MKLN1: variants seen among roughly 807,000 people sequenced by gnomAD.
MKLN1 encodes muskelin.
A neutral mutation model predicts 99.0 loss-of-function variants in MKLN1; 18 were observed. The ratio of observed to expected loss-of-function variants is 0.18; its 90% CI spans 0.13 to 0.27. The LOEUF (loss-of-function observed/expected upper bound fraction) is 0.27, where lower values mean the gene tolerates loss of function less well. MKLN1 is among the 10% of genes least tolerant of loss of function. The pLI is 1.00. For missense variants in MKLN1, 621 were observed against 875.9 expected (o/e 0.71, Z 3.67); for synonymous variants, 288 against 293.2 (o/e 0.98, Z 0.18).
chr7:131,382,162 C>T (rs1288481270), intron 2 of MKLN1, among the ~76,000 whole-genome samples: 4 of 152,032 alleles, frequency 2.6e-5, no homozygotes, highest in Non-Finnish European at 5.9e-5. Context: ...GCCAGGAGTT[C>T]GAGACCAGCC....
chr7:131,246,771 T>C (rs1349343038), intron 3 of MKLN1, among the ~76,000 whole-genome samples: 2 of 152,026 alleles, frequency 1.3e-5, no homozygotes, highest in Non-Finnish European at 2.9e-5. Flanking sequence ...TGTGAACCAC[T>C]GTGCCTGGCT....
In MKLN1 at chr7:131,212,780, G is replaced by A. The variant is rs957527948; in HGVS notation, c.-179+9806G>A. 7.8e-4 allele frequency among the ~76,000 whole-genome samples: 118 copies of A among 152,088 alleles called. 1 individual carries two copies. Among genetic ancestry groups the A allele is most frequent in the African/African-American group, 2.7e-3 (111 of 41,476 alleles). On this transcript the variant is annotated intron_variant, in intron 3 of 7. Transcript: ENST00000416992. Reference sequence around the variant, plus strand: ...CTCTACTAAAAATACAAAATTAGCCGGGCATGATGGTGCATGCCTGTAATC... The same window carrying A: ...CTCTACTAAAAATACAAAATTAGCCAGGCATGATGGTGCATGCCTGTAATC...
chr7:131,417,665 T>C (rs1453472356), intron 8 of MKLN1, among the ~76,000 whole-genome samples: 1 of 152,176 alleles, frequency 6.6e-6, no homozygotes, highest in Non-Finnish European at 1.5e-5. Context: ...TGTTTTTATT[T>C]TTTACGTTCA....
Position 131,487,593 on chromosome 7 carries a change from A to G in MKLN1, c.2087-14A>G, listed in dbSNP as rs372815336. On this transcript the variant is annotated splice_polypyrimidine_tract_variant and intron_variant, in intron 17 of 17. Transcript: ENST00000352689. This position sits in a 1 kb window ranked among gnomAD's most constrained non-coding sequence, Gnocchi z 4.7. ...TTAAACACAATGGATGTTTCTTTGT[A>G]TCTTCTTCACCAGGCTTTTCTGATG... 9.9e-6 allele frequency: 16 copies of G among 1,609,434 alleles called. No individual in the cohort carries two copies. The African/African-American group carries it at 1.3e-4, about 13-fold the overall frequency.
At chr7:131,428,991 TTTGTCC>T (rs1795441019) in intron 8 of MKLN1, 36 bp from the exon 9 acceptor site, 1 of 1,543,392 alleles carries the variant, frequency 6.5e-7, no homozygotes, top group Non-Finnish European at 8.9e-7. Context: ...TTATGCTTAT[TTTGTCC>T]TTTTTTTTTT....
In MKLN1 at chr7:131,496,062, C is replaced by G. The variant is rs1278443200; in HGVS notation, c.*8334C>G. ...TTCTTTACCACGTTTAAGCAAATGT[C>G]TCTCAAAAAAAATTGTATTTCTGTG... On this transcript the variant is annotated 3_prime_UTR_variant, in exon 18 of 18. Coordinates refer to ENST00000352689, the MANE Select transcript of MKLN1 (RefSeq NM_013255.5). 8 of 151,216 alleles carry G rather than the reference C, an allele frequency of 5.3e-5. No homozygotes were observed. Among genetic ancestry groups the G allele is most frequent in the East Asian group, 1.9e-4 (1 of 5,200 alleles). The allele number at this position is 151,216 out of a possible 1,614,324, so 9.4% of individuals were successfully genotyped here. A position where few individuals can be genotyped will look rare whatever the true frequency, so the allele number is the denominator to read the frequency against.
chr7:131,262,424 G>A (rs187716878), intron 3 of MKLN1, among the ~76,000 whole-genome samples: 7 of 152,128 alleles, frequency 4.6e-5, no homozygotes, highest in South Asian at 2.1e-4. Context: ...GCGACAGAGC[G>A]AGACTCCGTC....
At chr7:131,454,634 A>G (rs1239344758) in intron 12 of MKLN1, among the ~76,000 whole-genome samples, 1 of 152,218 alleles carries the variant, frequency 6.6e-6, no homozygotes. Context: ...CAGGGCATGA[A>G]TGGTTAATCA....
intron 3 of MKLN1, among the ~76,000 whole-genome samples, chr7:131,233,899 G>C (rs1797278196): frequency 6.6e-6 from 1 of 151,898 alleles, no homozygotes. Flanking sequence ...TCTTCCATAA[G>C]GCATTTATTT....
upstream of MKLN1, among the ~76,000 whole-genome samples, chr7:131,324,674 G>A (rs1415742651): frequency 6.6e-6 from 1 of 152,190 alleles, no homozygotes; most frequent in Non-Finnish European, 1.5e-5. Context: ...GGGTTATAAT[G>A]TCTGGTGCAG....
chr7:131,278,952 GA>G (rs1389260684), intron 3 of MKLN1, among the ~76,000 whole-genome samples: 2 of 152,142 alleles, frequency 1.3e-5, no homozygotes, highest in Non-Finnish European at 2.9e-5. Context: ...CAATCCTCTG[GA>G]CTAAATGTAA....
In MKLN1 at chr7:131,249,538, T is replaced by C. The variant is rs189951403; in HGVS notation, c.-179+46564T>C. Among the ~76,000 whole-genome samples, 126 of 152,318 alleles carry C rather than the reference T, an allele frequency of 8.3e-4. 1 individual carries two copies. The highest frequency in any genetic ancestry group is 2.7e-3 in the African/African-American group (114 of 41,580). On this transcript the variant is annotated intron_variant, in intron 3 of 7. Transcript: ENST00000416992. ...TGCTAGGCACTGAGCTGGAGGCTGG[T>C]ATATTCCTTGTTCTCAAGGAACTGA...
At chr7:131,275,777 TGTTA>T (rs1011223597) in intron 3 of MKLN1, among the ~76,000 whole-genome samples, 3 of 151,424 alleles carry the variant, frequency 2.0e-5, no homozygotes, top group African/African-American at 7.3e-5. Flanking sequence ...TTTGAGAGGT[TGTTA>T]TTCAGTCCAT....
chr7:131,146,995 G>T (rs1404294720), intron 2 of MKLN1, among the ~76,000 whole-genome samples: 1 of 152,060 alleles, frequency 6.6e-6, no homozygotes, highest in African/African-American at 2.4e-5. Context: ...GAAAGGAAAT[G>T]ATTCTGCTAG....
chr7:131,425,757 A>G (rs1486648538), intron 8 of MKLN1, among the ~76,000 whole-genome samples: 1 of 152,202 alleles, frequency 6.6e-6, no homozygotes, highest in African/African-American at 2.4e-5. Flanking sequence ...AAGCATGAGA[A>G]TGGGCTTCCA....
chr7:131,457,445 TG>T (rs1441456578), intron 12 of MKLN1, among the ~76,000 whole-genome samples: 3 of 151,532 alleles, frequency 2.0e-5, no homozygotes, highest in African/African-American at 7.3e-5. Flanking sequence ...CTACAACAAA[TG>T]TAAGTAGGAT....
rs552777907 is a variant in MKLN1, at chr7:131,285,986, C to T, written c.-179+83012C>T. Among the ~76,000 whole-genome samples the T allele has an allele frequency of 2.1e-5, 3 of 141,412 alleles. No individual in the cohort carries two copies. In the South Asian group the frequency reaches 6.9e-4, roughly 32 times the overall value. 92.8% of individuals were successfully genotyped at this position (141,412 alleles called of 152,430 possible). A position where few individuals can be genotyped will look rare whatever the true frequency, so the allele number is the denominator to read the frequency against. The stretch of plus-strand genomic sequence containing the variant: ...TTTTTTTTTTTTTGAGACACAGTTT[C>T]ACTCTGTCGCCCAGGCTGGAGTGCA... On this transcript the variant is annotated intron_variant, in intron 3 of 7. Coordinates refer to the MKLN1 transcript ENST00000416992.
intron 1 of MKLN1, among the ~76,000 whole-genome samples, chr7:131,137,845 G>A (rs575885223): frequency 2.6e-5 from 4 of 152,088 alleles, no homozygotes; most frequent in African/African-American, 9.6e-5. Context: ...AAAGTGCTGG[G>A]ATTACAAGTG....
intron 5 of MKLN1, 34 bp downstream of exon 5, chr7:131,397,410 C>A: frequency 2.8e-6 from 3 of 1,085,760 alleles, no homozygotes; most frequent in Admixed American, 2.3e-5. Context: ...ACTTTAATGC[C>A]TATAAAAGGA....
Sources: allele counts gnomAD v4.1 joint callset (sites outside exome capture counted in the v4.1 genomes callset), GRCh38; gene constraint gnomAD v4.1.1; non-coding constraint Gnocchi (gnomAD v3.1); transcripts MANE v1.5; gene names NCBI Gene and HGNC (gene_info 2026-07-23, HGNC 2026-07-21).